The following CACNA1A variants were observed in gnomAD, a reference collection of about 807,000 sequenced individuals.
CACNA1A encodes voltage-dependent P/Q-type calcium channel subunit alpha-1A.
A neutral mutation model predicts 262.4 loss-of-function variants in CACNA1A; 57 were observed. The ratio of observed to expected loss-of-function variants is 0.22; its 90% CI spans 0.18 to 0.27. The LOEUF is 0.27. Ranked by LOEUF, CACNA1A falls within the 10% of genes least tolerant of loss-of-function variation. The pLI is 1.00. For missense variants in CACNA1A, 2,526 were observed against 3,562.8 expected (o/e 0.71, Z 7.41); for synonymous variants, 1,431 against 1,419.3 (o/e 1.01, Z -0.18).
At chr19:13,364,061 G>T (rs923726580) in intron 5 of CACNA1A, 1 of 152,278 alleles carries the variant, frequency 6.6e-6, no homozygotes, top group South Asian at 2.1e-4. Flanking sequence ...CTGGGAGAGT[G>T]TCTCTGCGCT....
At chr19:13,238,368 T>A (rs2055949723) in intron 31 of CACNA1A, among the ~76,000 whole-genome samples, 1 of 152,088 alleles carries the variant, frequency 6.6e-6, no homozygotes, top group African/African-American at 2.4e-5. Flanking sequence ...AGTGCTGTGC[T>A]CAGATGTTCC....
chr19:13,442,299 T>A lies in CACNA1A; in HGVS notation c.539+10577A>T, dbSNP rs140727289. The stretch of plus-strand genomic sequence containing the variant: ...ACTGAGGCACCTCTATGATGCTGTA[T>A]AACATATTTCAGTGTTTTCCCACTG... On this transcript the variant is annotated intron_variant, in intron 3 of 46. Transcript: ENST00000360228. Among the ~76,000 whole-genome samples, 1,017 of 152,308 alleles carry A rather than the reference T, an allele frequency of 6.7e-3. 17 individuals are homozygous for A. The highest frequency in any genetic ancestry group is 0.022 in the African/African-American group (919 of 41,564).
intron 34 of CACNA1A, among the ~76,000 whole-genome samples, chr19:13,234,350 C>CAAAAAAAAA (rs71168693): frequency 7.0e-5 from 5 of 71,238 alleles, no homozygotes; most frequent in Non-Finnish European, 9.6e-5. Context: ...ACTCCATCTC[C>CAAAAAAAAA]AAAAAAAAAA....
At chr19:13,322,064 T>C (rs1010500975) in intron 10 of CACNA1A, among the ~76,000 whole-genome samples, 7 of 151,722 alleles carry the variant, frequency 4.6e-5, no homozygotes, top group Non-Finnish European at 1.0e-4. Flanking sequence ...TAGCCGGGCA[T>C]GGTGGCACAC....
At chr19:13,301,610 T>G (rs1374731571) in intron 17 of CACNA1A, among the ~76,000 whole-genome samples, 1 of 152,228 alleles carries the variant, frequency 6.6e-6, no homozygotes, top group Admixed American at 6.5e-5. Flanking sequence ...AAGACGTTTT[T>G]GGACTTTAAA....
chr19:13,271,729 A>G (rs956707473), intron 24 of CACNA1A: 2 of 150,766 alleles, frequency 1.3e-5, no homozygotes, highest in Non-Finnish European at 2.9e-5. Context: ...GTGATGGTCA[A>G]CTCGGAGGAT....
chr19:13,494,961 A>G (rs1981322377), intron 1 of CACNA1A, among the ~76,000 whole-genome samples: 1 of 152,124 alleles, frequency 6.6e-6, no homozygotes, highest in Non-Finnish European at 1.5e-5. Flanking sequence ...GTAATCTGTA[A>G]TCTCTGACTA....
intron 3 of CACNA1A, among the ~76,000 whole-genome samples, chr19:13,394,186 T>C (rs1438150631): frequency 1.3e-5 from 2 of 152,096 alleles, no homozygotes; most frequent in African/African-American, 2.4e-5. Context: ...GTGGGTCCTA[T>C]CATTCCCTCT....
intron 3 of CACNA1A, among the ~76,000 whole-genome samples, chr19:13,381,222 T>TA (rs1176383658): frequency 2.0e-5 from 3 of 151,336 alleles, no homozygotes; most frequent in African/African-American, 4.9e-5. Flanking sequence ...TTGTCGCTAT[T>TA]AAAAAAAATA....
chr19:13,317,094 G>C lies in CACNA1A; in HGVS notation c.1555+18C>G. Reference sequence around the variant, plus strand: ...AGGGATCAGGGAGTTGGCAGGGGTGGGGCTGGGTGATACTCACAAAGGAAG... The same window carrying C: ...AGGGATCAGGGAGTTGGCAGGGGTGCGGCTGGGTGATACTCACAAAGGAAG... On this transcript the variant is annotated intron_variant, in intron 11 of 46. Coordinates refer to ENST00000360228, the MANE Select transcript of CACNA1A (RefSeq NM_001127222.2). 1 of 1,566,400 alleles carries C rather than the reference G, an allele frequency of 6.4e-7. No homozygotes were observed. Among genetic ancestry groups the C allele is most frequent in the Non-Finnish European group, 8.8e-7 (1 of 1,139,282 alleles).
In CACNA1A at chr19:13,299,278, G is replaced by C. The variant is rs2144958094; in HGVS notation, c.2355C>G (p.Asn785Lys). The C allele has an allele frequency of 1.9e-6, 3 of 1,604,902 alleles. No individual in the cohort carries two copies. The highest frequency in any genetic ancestry group is 1.1e-5 in the South Asian group (1 of 91,092). Residue 785 changes from asparagine (N) to lysine (K), a missense_variant, in exon 19 of 47, where the codon AAC becomes AAG. Asn to Lys is a moderately conservative substitution (Grantham distance 94). Coordinates refer to ENST00000360228, the MANE Select transcript of CACNA1A (RefSeq NM_001127222.2). ...EQRTSEMRKQ[N>K]LLASREALYN... ...ACAGGGCCTCCCGGCTGGCCAGCAA[G>C]TTCTGCTTTCGCATCTCACTGGTCC... is the stretch of plus-strand genomic sequence containing the variant.
intron 33 of CACNA1A, 48 bp from the exon 34 acceptor site, chr19:13,235,084 C>T: frequency 1.3e-6 from 2 of 1,555,430 alleles, no homozygotes; most frequent in Non-Finnish European, 1.8e-6. Flanking sequence ...CCTCCAGTGG[C>T]TTCTGGGAAA....
intron 3 of CACNA1A, among the ~76,000 whole-genome samples, chr19:13,413,168 G>A (rs981410534): frequency 1.7e-4 from 25 of 150,980 alleles, no homozygotes; most frequent in African/African-American, 2.7e-4. Context: ...GTGCAGTGGC[G>A]TGATCTCAGC....
intron 3 of CACNA1A, among the ~76,000 whole-genome samples, chr19:13,382,246 C>T (rs922557919): frequency 2.6e-5 from 4 of 152,174 alleles, no homozygotes; most frequent in Admixed American, 6.5e-5. Context: ...AGCTCATGTC[C>T]GGGGAGGCAG....
At chr19:13,451,420 G>A (rs2060912672) in intron 3 of CACNA1A, 1 of 152,252 alleles carries the variant, frequency 6.6e-6, no homozygotes, top group African/African-American at 2.4e-5. Flanking sequence ...GAAGAGCCCA[G>A]ACTTAGCTGA....
intron 3 of CACNA1A, among the ~76,000 whole-genome samples, chr19:13,381,983 A>G (rs922423860): frequency 9.2e-5 from 14 of 152,150 alleles, no homozygotes; most frequent in African/African-American, 3.4e-4. Flanking sequence ...TGATCTCTCT[A>G]GGGGGCAAGG....
intron 1 of CACNA1A, among the ~76,000 whole-genome samples, chr19:13,472,427 G>A (rs2145041419): frequency 6.6e-6 from 1 of 152,286 alleles, no homozygotes; most frequent in African/African-American, 2.4e-5. Context: ...CTCATTGCAT[G>A]TAGAATAAAG....
chr19:13,304,692 C>T (rs1418519288), intron 15 of CACNA1A, among the ~76,000 whole-genome samples: 2 of 130,978 alleles, frequency 1.5e-5, no homozygotes, highest in African/African-American at 5.9e-5. Context: ...CAGGAAGAAA[C>T]ATCACAACTC....
intron 43 of CACNA1A, chr19:13,210,936 C>T (rs931516741): frequency 5.6e-6 from 3 of 532,382 alleles, no homozygotes; most frequent in African/African-American, 1.9e-5. Context: ...GGCATGGGAC[C>T]GAAAGACAGG....
Sources: gnomAD v4.1 joint callset for allele counts (sites outside exome capture counted in the v4.1 genomes callset) on GRCh38, gnomAD v4.1.1 for gene constraint, MANE v1.5 for transcripts, NCBI Gene and HGNC (gene_info 2026-07-23, HGNC 2026-07-21) for gene names.